The following BCL7A variants were observed in gnomAD, a reference collection of about 807,000 sequenced individuals.
BCL7A encodes B-cell CLL/lymphoma 7 protein family member A.
Under a neutral mutation model 28.4 loss-of-function variants are expected in BCL7A, and 11 were observed. The observed-to-expected ratio is 0.39, with a 90% CI of 0.24 to 0.64. The LOEUF is 0.64. BCL7A is among the 30% of genes least tolerant of loss of function. The probability of loss-of-function intolerance (pLI) is 0.50; values close to 1 mark genes in which losing one functional copy is unlikely to be tolerated. For missense variants in BCL7A, 222 were observed against 274.8 expected (o/e 0.81, Z 1.36); for synonymous variants, 123 against 103.3 (o/e 1.19, Z -1.15).
At chr12:122,024,314 T>C (rs1883561948) in intron 1 of BCL7A, among the ~76,000 whole-genome samples, 1 of 152,356 alleles carries the variant, frequency 6.6e-6, no homozygotes, top group African/African-American at 2.4e-5. Context: ...CGGGGTTTTG[T>C]GCTTGGCTTC....
At chr12:122,025,504 G>A (rs1883605346) in intron 1 of BCL7A, among the ~76,000 whole-genome samples, 1 of 151,892 alleles carries the variant, frequency 6.6e-6, no homozygotes, top group Non-Finnish European at 1.5e-5. Context: ...GCGGGCGCCT[G>A]TAGTCCCAGC....
At chr12:122,045,432 C>T (rs1426470005) in intron 4 of BCL7A, among the ~76,000 whole-genome samples, 3 of 151,890 alleles carry the variant, frequency 2.0e-5, no homozygotes, top group East Asian at 3.9e-4. Flanking sequence ...GCAGGCAGCG[C>T]CTCAGGTGTG....
intron 1 of BCL7A, 152 bp downstream of exon 1, chr12:122,022,335 GGCGGCGCGC>G (rs2135833042): frequency 3.3e-6 from 1 of 304,344 alleles, no homozygotes; most frequent in Non-Finnish European, 4.7e-6. Context: ...CGGACGGGCG[GGCGGCGCGC>G]GAGCCGGGTC....
At chr12:122,036,806 C>T (rs557013329) in intron 3 of BCL7A, among the ~76,000 whole-genome samples, 9 of 152,076 alleles carry the variant, frequency 5.9e-5, no homozygotes, top group African/African-American at 2.2e-4. Flanking sequence ...CTCCTGGGTT[C>T]AAGCAATTCT....
At position 122,054,792 on chromosome 12, in the gene BCL7A, G is replaced by T. The variant is rs1174329571; in HGVS notation, c.440-13G>T. The T allele has an allele frequency of 6.2e-7, 1 of 1,610,708 alleles. No individual in the cohort carries two copies. On this transcript the variant is annotated splice_polypyrimidine_tract_variant and intron_variant, in intron 4 of 5. Coordinates refer to ENST00000261822, the MANE Select transcript of BCL7A (RefSeq NM_001024808.3). Reference sequence around the variant, plus strand: ...GTCTGAAAACAGCTCCTGTCGTCTTGCTCTTCCCTCAGATGCTTCTGATGA... The same window carrying T: ...GTCTGAAAACAGCTCCTGTCGTCTTTCTCTTCCCTCAGATGCTTCTGATGA...
In BCL7A at chr12:122,031,359, C is replaced by CCG. The variant is rs768368708; in HGVS notation, c.174+579_174+580insGC. Among the ~76,000 whole-genome samples, 3 of 152,082 alleles carry CCG rather than the reference C, an allele frequency of 2.0e-5. No individual in the cohort carries two copies. In the South Asian group the frequency reaches 6.2e-4, roughly 32 times the overall value. On this transcript the variant is annotated intron_variant, in intron 2 of 5. Coordinates refer to ENST00000261822, the MANE Select transcript of BCL7A (RefSeq NM_001024808.3). ...TTGTGTCTTCTGGGCCGAGCGCCCC[C>CCG]CCCAGGGCTTGGCACTGTGTTTTGG...
chr12:122,048,540 C>G (rs550667838), intron 4 of BCL7A, among the ~76,000 whole-genome samples: 1 of 152,208 alleles, frequency 6.6e-6, no homozygotes, highest in East Asian at 1.9e-4. Flanking sequence ...CGCTTGAGCT[C>G]AGGAGCTCGA....
At chr12:122,032,750 C>T (rs1272924226) in intron 2 of BCL7A, among the ~76,000 whole-genome samples, 1 of 152,166 alleles carries the variant, frequency 6.6e-6, no homozygotes, top group Non-Finnish European at 1.5e-5. Flanking sequence ...AATATATCAC[C>T]ACGGAGAATA....
intron 1 of BCL7A, among the ~76,000 whole-genome samples, chr12:122,028,186 C>CA (rs1883670255): frequency 6.6e-6 from 1 of 152,178 alleles, no homozygotes; most frequent in Admixed American, 6.6e-5. Flanking sequence ...CCTAGAAATA[C>CA]AGTTTCTCAT....
At chr12:122,023,262 T>G (rs2135834320) in intron 1 of BCL7A, among the ~76,000 whole-genome samples, 1 of 152,312 alleles carries the variant, frequency 6.6e-6, no homozygotes, top group Admixed American at 6.5e-5. Flanking sequence ...TTCCCACGCC[T>G]TCACTGGGGT....
At chr12:122,046,267 G>T (rs1208267138) in intron 4 of BCL7A, among the ~76,000 whole-genome samples, 1 of 152,076 alleles carries the variant, frequency 6.6e-6, no homozygotes, top group Non-Finnish European at 1.5e-5. Context: ...TGGCTGAGCG[G>T]GTCTGGGGAG....
Position 122,029,355 on chromosome 12 carries a change from C to T in BCL7A, c.93-1345C>T, listed in dbSNP as rs77892133. Among the ~76,000 whole-genome samples, 677 of 152,150 alleles carry T rather than the reference C, an allele frequency of 4.4e-3. 16 individuals carry two copies. Among genetic ancestry groups the T allele is most frequent in the East Asian group, 0.037 (189 of 5,168 alleles). On this transcript the variant is annotated intron_variant, in intron 1 of 5. Transcript: ENST00000261822. This position sits in a 1 kb window ranked among gnomAD's most constrained non-coding sequence, Gnocchi z 4.3. ...TGGGTTTGAGTATGCTCCGTCATCC[C>T]GCAACCCCCGTGGTGACAGGGTGGG...
intron 4 of BCL7A, among the ~76,000 whole-genome samples, chr12:122,045,150 G>A (rs1235289397): frequency 6.6e-6 from 1 of 152,142 alleles, no homozygotes; most frequent in Non-Finnish European, 1.5e-5. Context: ...GGAGGCCGAG[G>A]CAGGCGGATC....
chr12:122,040,956 C>A (rs80135677), intron 3 of BCL7A, among the ~76,000 whole-genome samples: 1 of 152,066 alleles, frequency 6.6e-6, no homozygotes, highest in Admixed American at 6.6e-5. Context: ...GCCTCTTGCG[C>A]GTGTGCTTGC....
chr12:122,044,365 A>C (rs1411365598), intron 4 of BCL7A: 1 of 267,734 alleles, frequency 3.7e-6, no homozygotes. Flanking sequence ...AAAAATAGCC[A>C]AGTGTGGTGG....
rs572767168 is a variant in BCL7A at position 122,044,030 on chromosome 12, G to A, written c.416G>A (p.Gly139Glu). 3 of 1,613,700 alleles carry A rather than the reference G, an allele frequency of 1.9e-6. No individual in the cohort carries two copies. The South Asian group carries it at 3.3e-5, about 18-fold the overall frequency. ...AAGGTGGATGAGGCCCAGGCTGATG[G>A]GAAGGAGCACCCAGGAGCTGAAGGT... ...EAKVDEAQAD[G>E]KEHPGAEDAS... Residue 139 changes from glycine to glutamate, a missense_variant, in exon 4 of 6, where the codon GGG becomes GAG. Coordinates refer to ENST00000261822, the MANE Select transcript of BCL7A (RefSeq NM_001024808.3).
At chr12:122,058,530 G>A (rs1292066469) in intron 5 of BCL7A, among the ~76,000 whole-genome samples, 5 of 152,122 alleles carry the variant, frequency 3.3e-5, no homozygotes, top group South Asian at 4.2e-4. Flanking sequence ...ATGGTGGCGC[G>A]TGCCTGTAAT....
At chr12:122,025,180 A>G (rs576117433) in intron 1 of BCL7A, among the ~76,000 whole-genome samples, 2 of 152,252 alleles carry the variant, frequency 1.3e-5, no homozygotes, top group South Asian at 2.1e-4. Context: ...GGGCGATGGT[A>G]GGAGACGAAA....
chr12:122,048,740 C>T (rs1009459504), intron 4 of BCL7A, among the ~76,000 whole-genome samples: 5 of 151,682 alleles, frequency 3.3e-5, no homozygotes, highest in Non-Finnish European at 7.4e-5. Context: ...AAAAATTAGG[C>T]CGGGCACAGT....
Sources: allele counts gnomAD v4.1 joint callset (sites outside exome capture counted in the v4.1 genomes callset), GRCh38; gene constraint gnomAD v4.1.1; non-coding constraint Gnocchi (gnomAD v3.1); transcripts MANE v1.5; gene names NCBI Gene and HGNC (gene_info 2026-07-23, HGNC 2026-07-21).